Variants in IFNLR1 observed in about 807,000 individuals in gnomAD.
IFNLR1 encodes interferon lambda receptor 1.
IFNLR1 carries 28 observed loss-of-function variants against 52.5 expected under a neutral mutation model. The ratio of observed to expected loss-of-function variants is 0.53; its 90% CI spans 0.40 to 0.73. IFNLR1 has a LOEUF of 0.73. Among genes scored for constraint, IFNLR1 ranks in the 30% least tolerant of loss-of-function variants. The pLI, the probability that IFNLR1 is intolerant of heterozygous loss-of-function variation, is 0.00. For missense variants in IFNLR1, 623 were observed against 659.1 expected, an observed-to-expected ratio of 0.95 and a Z score of 0.60; for synonymous variants, 276 against 274.9, an observed-to-expected ratio of 1.00 and a Z score of -0.04.
chr1:24,156,923 C>T lies in IFNLR1; in HGVS notation c.*207G>A. On this transcript the variant is annotated 3_prime_UTR_variant, in exon 7 of 7. Coordinates refer to ENST00000327535, the MANE Select transcript of IFNLR1 (RefSeq NM_170743.4). The stretch of plus-strand genomic sequence containing the variant: ...CACCCTGTGTCCACCCCTCTTATAG[C>T]TCAGCCTAAAGAGGGCGGGTCACAG... 1.7e-6 allele frequency: 1 copy of T among 599,874 alleles called. No individual in the cohort carries two copies. Among genetic ancestry groups the T allele is most frequent in the East Asian group, 2.8e-5 (1 of 35,092 alleles). The allele number at this position is 599,874 out of a possible 1,614,324, so 37.2% of individuals were successfully genotyped here.
intron 3 of IFNLR1, among the ~76,000 whole-genome samples, chr1:24,165,667 C>T (rs988986855): frequency 6.6e-6 from 1 of 152,180 alleles, no homozygotes; most frequent in African/African-American, 2.4e-5. Context: ...TCCCTGATTC[C>T]CAGCCAGCAG....
chr1:24,184,468 G>A (rs533817065), intron 1 of IFNLR1, among the ~76,000 whole-genome samples: 3 of 152,162 alleles, frequency 2.0e-5, no homozygotes, highest in African/African-American at 4.8e-5. Flanking sequence ...CCTGCCTGAC[G>A]TGGCCTGGCC....
chr1:24,173,557 C>T (rs902377368), intron 2 of IFNLR1, among the ~76,000 whole-genome samples: 1 of 152,110 alleles, frequency 6.6e-6, no homozygotes, highest in African/African-American at 2.4e-5. Context: ...ACATTCATTA[C>T]CTAATCTCCT....
At position 24,157,705 on chromosome 1, in the gene IFNLR1, C is replaced by A. The variant is rs116722436; in HGVS notation, c.988G>T (p.Asp330Tyr). The change falls in exon 7 of 7, where the codon GAT (aspartate) becomes TAT (tyrosine). Residue 330 changes from aspartate (D) to tyrosine (Y), a missense_variant. Physicochemically the swap from Asp to Tyr is radical, Grantham distance 160. Transcript: ENST00000327535. This position sits in a 1 kb window ranked among gnomAD's most constrained non-coding sequence, Gnocchi z 5.1. ...ACGCCATCTTCTGTGTCCTCCTCAT[C>A]CTCCTCCTCTTCGTCCTCTGCAAGG... The part of the protein sequence containing the change: ...KDLAEDEEEE[D>Y]EEDTEDGVSF... 6.2e-7 allele frequency: 1 copy of A among 1,613,998 alleles called. No individual in the cohort carries two copies. The highest frequency in any genetic ancestry group is 2.2e-5 in the East Asian group (1 of 44,876).
chr1:24,157,600 C>T lies in IFNLR1; in HGVS notation c.1093G>A (p.Val365Met), dbSNP rs1445473432. 1 of 1,610,032 alleles carries T rather than the reference C, an allele frequency of 6.2e-7. No homozygotes were observed. Among genetic ancestry groups the T allele is most frequent in the Non-Finnish European group, 8.5e-7 (1 of 1,178,260 alleles). Residue 365 changes from valine to methionine, a missense_variant, in exon 7 of 7, where the codon GTG (valine) becomes ATG (methionine). Val to Met is a conservative substitution (Grantham distance 21). Transcript: ENST00000327535. This position sits in a 1 kb window ranked among gnomAD's most constrained non-coding sequence, Gnocchi z 5.1. ...GGAGCCCTGGGCCTCCCTGAGTCCA[C>T]CCCACCAGCCTCCGAGTGCCCTGGA... ...QAPGHSEAGG[V>M]DSGRPRAPLV...
rs535675121 is a variant in IFNLR1 at position 24,181,779 on chromosome 1, C to T, written c.59-925G>A. 3.9e-5 allele frequency among the ~76,000 whole-genome samples: 6 copies of T among 152,290 alleles called. No individual in the cohort carries two copies. In the South Asian group the frequency reaches 1.2e-3, roughly 32 times the overall value. ...TGGCTCCCAGCGCCAGAGCAATGGT[C>T]AGACAGGCATAAACTTGGACATGGA... On this transcript the variant is annotated intron_variant, in intron 1 of 6. Transcript: ENST00000327535.
intron 6 of IFNLR1, 174 bp downstream of exon 6, chr1:24,158,877 TA>T: frequency 1.4e-6 from 1 of 723,272 alleles, no homozygotes. Context: ...TTTGCCATTT[TA>T]TTCAGGACTA....
chr1:24,159,657 T>A, intron 4 of IFNLR1, 24 bp from the exon 5 acceptor site: 5 of 1,608,150 alleles, frequency 3.1e-6, no homozygotes, highest in Non-Finnish European at 4.2e-6. Flanking sequence ...AAGCAGAGAG[T>A]GGCAGAGCTG....
intron 2 of IFNLR1, among the ~76,000 whole-genome samples, chr1:24,174,632 T>C (rs954252739): frequency 6.6e-6 from 1 of 152,136 alleles, no homozygotes; most frequent in Non-Finnish European, 1.5e-5. Context: ...AGTTAAAAGT[T>C]CATTGGCTAG....
chr1:24,161,682 C>G lies in IFNLR1; in HGVS notation c.370G>C (p.Glu124Gln). ...AGCACCAGGACAGGTGGGGCCGGCT[C>G]CACTGCAGAAACAGAGCAGGACCTG... Reference protein sequence around the residue: ...SEYLDYLFEVEPAPPVLVLTQ... With the variant: ...SEYLDYLFEVQPAPPVLVLTQ... The change falls in exon 4 of 7, where the codon GAG (glutamate) becomes CAG (glutamine). Residue 124 changes from glutamate (E) to glutamine (Q), a missense_variant and splice_region_variant. By Grantham distance (29) the Glu-to-Gln change is conservative. Coordinates refer to ENST00000327535, the MANE Select transcript of IFNLR1 (RefSeq NM_170743.4). The G allele has an allele frequency of 6.7e-7, 1 of 1,498,036 alleles. No homozygotes were observed. The highest frequency in any genetic ancestry group is 9.0e-7 in the Non-Finnish European group (1 of 1,117,174). 92.8% of individuals were successfully genotyped at this position (1,498,036 alleles called of 1,614,324 possible).
chr1:24,160,792 G>A (rs769613893), intron 4 of IFNLR1, among the ~76,000 whole-genome samples: 6 of 151,958 alleles, frequency 3.9e-5, no homozygotes, highest in Non-Finnish European at 7.4e-5. Context: ...GCAGTGGTGC[G>A]ATCATGGCTC....
chr1:24,159,677 C>A (rs142430398), intron 4 of IFNLR1, 44 bp from the exon 5 acceptor site: 1 of 1,578,700 alleles, frequency 6.3e-7, no homozygotes, highest in African/African-American at 1.4e-5. Flanking sequence ...GCTGTGGGGA[C>A]TGGTTTCACA....
chr1:24,187,155 C>A, intron 1 of IFNLR1, 36 bp downstream of exon 1: 1 of 1,331,188 alleles, frequency 7.5e-7, no homozygotes. Context: ...CCGGGGAGCC[C>A]TCTTCCCCCT....
At chr1:24,164,618 T>C (rs1569647827) in intron 3 of IFNLR1, among the ~76,000 whole-genome samples, 1 of 152,230 alleles carries the variant, frequency 6.6e-6, no homozygotes. Flanking sequence ...CCTGGTTTGA[T>C]TGAAGGGGAC....
chr1:24,180,641 A>T (rs538453073), intron 2 of IFNLR1, 90 bp downstream of exon 2: 1 of 1,329,258 alleles, frequency 7.5e-7, no homozygotes, highest in African/African-American at 1.4e-5. Context: ...AGTGCTGCCC[A>T]CACTGGGTGC....
intron 3 of IFNLR1, among the ~76,000 whole-genome samples, chr1:24,168,995 T>G (rs1463360977): frequency 1.3e-5 from 2 of 152,146 alleles, no homozygotes; most frequent in African/African-American, 2.4e-5. Context: ...CCACCTGCCT[T>G]GGCCTCCCAA....
intron 1 of IFNLR1, among the ~76,000 whole-genome samples, chr1:24,183,334 A>G (rs572791906): frequency 1.3e-5 from 2 of 152,222 alleles, no homozygotes; most frequent in African/African-American, 4.8e-5. Context: ...ATGGCAGCTG[A>G]CACCTGTAAT....
rs575657322 is a variant in IFNLR1, at chr1:24,168,425, C to T, written c.367+992G>A. ...GGGCATTTATCCTCCCTTTGTTACCCGGCCCTGCCCGAGGTCAGAAAGATC... is the reference window on the plus strand; with the variant it reads ...GGGCATTTATCCTCCCTTTGTTACCTGGCCCTGCCCGAGGTCAGAAAGATC... On this transcript the variant is annotated intron_variant, in intron 3 of 6. Transcript: ENST00000327535. 8.6e-5 allele frequency among the ~76,000 whole-genome samples: 13 copies of T among 151,680 alleles called. No homozygotes were observed. The East Asian group carries it at 2.4e-3, about 28-fold the overall frequency.
At chr1:24,180,609 C>G (rs180726202) in intron 2 of IFNLR1, 122 bp downstream of exon 2, 2 of 942,552 alleles carry the variant, frequency 2.1e-6, no homozygotes, top group Admixed American at 5.0e-5. Context: ...TGCCATCTCC[C>G]GTAGGGCCCA....
Sources: gnomAD v4.1 joint callset for allele counts (sites outside exome capture counted in the v4.1 genomes callset) on GRCh38, gnomAD v4.1.1 for gene constraint, Gnocchi (gnomAD v3.1) non-coding constraint, MANE v1.5 for transcripts, NCBI Gene and HGNC (gene_info 2026-07-23, HGNC 2026-07-21) for gene names.